Variants in CSMD3 observed in about 807,000 individuals in gnomAD.
CSMD3 encodes the protein CUB and sushi domain-containing protein 3.
CSMD3 carries 177 observed loss-of-function variants against 435.2 expected under a neutral mutation model. The ratio of observed to expected loss-of-function variants is 0.41; its 90% CI spans 0.36 to 0.46. The LOEUF is 0.46. Ranked by LOEUF, CSMD3 falls within the 20% of genes least tolerant of loss-of-function variation. The pLI is 0.34. For synonymous variants in CSMD3, 1,656 were observed against 1,520.5 expected (o/e 1.09, Z -2.07); for missense variants, 4,265 against 4,504.6 (o/e 0.95, Z 1.52).
chr8:112,270,201 A>G (rs1385055446), intron 59 of CSMD3, among the ~76,000 whole-genome samples: 4 of 152,198 alleles, frequency 2.6e-5, no homozygotes, highest in Admixed American at 2.6e-4. Flanking sequence ...GGCCAAGCAT[A>G]GGGGATTGGA....
chr8:112,327,840 G>C (rs1025044517), intron 45 of CSMD3, among the ~76,000 whole-genome samples: 25 of 152,056 alleles, frequency 1.6e-4, no homozygotes, highest in African/African-American at 6.0e-4. Context: ...TTTGAAATTG[G>C]TTTAAGATTT....
intron 40 of CSMD3, among the ~76,000 whole-genome samples, chr8:112,349,859 T>C (rs1464903355): frequency 6.6e-6 from 1 of 152,190 alleles, no homozygotes; most frequent in African/African-American, 2.4e-5. Flanking sequence ...TACGCAGATG[T>C]TGTGGACTTA....
chr8:113,085,250 C>G (rs1604847), intron 5 of CSMD3, among the ~76,000 whole-genome samples: 1 of 123,696 alleles, frequency 8.1e-6, no homozygotes, highest in Admixed American at 7.5e-5. Context: ...CAAAAAAAAA[C>G]CACCCACAAA....
chr8:112,411,742 G>A (rs1057013759), intron 32 of CSMD3, among the ~76,000 whole-genome samples: 1 of 152,022 alleles, frequency 6.6e-6, no homozygotes, highest in African/African-American at 2.4e-5. Flanking sequence ...CATTCTGTCT[G>A]TAAATGTCTT....
intron 11 of CSMD3, among the ~76,000 whole-genome samples, chr8:112,831,717 C>A (rs2079881415): frequency 6.6e-6 from 1 of 151,904 alleles, no homozygotes; most frequent in African/African-American, 2.4e-5. Context: ...TGCAAGAATT[C>A]TTTATATTGG....
intron 1 of CSMD3, among the ~76,000 whole-genome samples, chr8:113,356,157 C>G (rs1350163205): frequency 6.6e-6 from 1 of 151,978 alleles, no homozygotes; most frequent in Non-Finnish European, 1.5e-5. Context: ...AACTATAGAA[C>G]TATTCATGTA....
chr8:112,704,027 G>A (rs913690542), intron 13 of CSMD3, among the ~76,000 whole-genome samples: 1 of 151,930 alleles, frequency 6.6e-6, no homozygotes, highest in Non-Finnish European at 1.5e-5. Flanking sequence ...GTATGCCCTG[G>A]GACACGGGTT....
intron 38 of CSMD3, among the ~76,000 whole-genome samples, chr8:112,358,223 C>T (rs10447984): frequency 0.39 from 59,477 of 151,968 alleles, 13,249 homozygotes; most frequent in Middle Eastern, 0.53. Flanking sequence ...TTTTGAATGG[C>T]TGTATTTACC....
At chr8:113,391,102 C>T (rs1232187619) in intron 1 of CSMD3, among the ~76,000 whole-genome samples, 2 of 151,872 alleles carry the variant, frequency 1.3e-5, no homozygotes, top group East Asian at 3.9e-4. Context: ...CAAACTCTCG[C>T]ATATCCCATT....
At chr8:113,436,244 G>C (rs1359860038) in intron 1 of CSMD3, among the ~76,000 whole-genome samples, 5 of 152,132 alleles carry the variant, frequency 3.3e-5, no homozygotes, top group Non-Finnish European at 7.3e-5. Context: ...CTAGCACGTC[G>C]ATAACTTTCT....
intron 1 of CSMD3, among the ~76,000 whole-genome samples, chr8:113,434,605 T>C (rs114049420): frequency 2.2e-3 from 341 of 152,274 alleles, no homozygotes; most frequent in African/African-American, 7.9e-3. Context: ...ACAATAACTT[T>C]ATTGACATTG....
At chr8:113,358,336 T>C (rs2094247232) in intron 1 of CSMD3, among the ~76,000 whole-genome samples, 1 of 152,164 alleles carries the variant, frequency 6.6e-6, no homozygotes, top group Non-Finnish European at 1.5e-5. Context: ...ACTGCACACA[T>C]AGTAGTGTTT....
At chr8:112,274,957 C>A (rs73709209) in intron 59 of CSMD3, among the ~76,000 whole-genome samples, 5,290 of 152,092 alleles carry the variant, frequency 0.035, 313 homozygotes, top group African/African-American at 0.12. Context: ...GTAACATTGA[C>A]TAAGTAAAAT....
At chr8:112,699,034 T>C (rs1245064379) in intron 13 of CSMD3, among the ~76,000 whole-genome samples, 2 of 152,104 alleles carry the variant, frequency 1.3e-5, no homozygotes, top group Admixed American at 6.6e-5. Context: ...ATCAGCACTC[T>C]GTAAAATGGA....
chr8:112,761,241 T>C (rs772206320), intron 13 of CSMD3, among the ~76,000 whole-genome samples: 1 of 152,084 alleles, frequency 6.6e-6, no homozygotes, highest in Admixed American at 6.6e-5. Context: ...AATATCTCTA[T>C]CATTTAAAAA....
In CSMD3 at chr8:112,937,167, T is replaced by C. The variant is rs191927881; in HGVS notation, c.1508+10623A>G. On this transcript the variant is annotated intron_variant, in intron 9 of 70. Coordinates refer to ENST00000297405, the MANE Select transcript of CSMD3 (RefSeq NM_198123.2). ...AAATGTCCTATCAGTTTGGATAACA[T>C]AGCTGGAGGAGATTTCAAAAATCTA... Among the ~76,000 whole-genome samples the C allele has an allele frequency of 3.3e-5, 5 of 152,252 alleles. No homozygotes were observed. The East Asian group carries it at 5.8e-4, about 18-fold the overall frequency.
chr8:113,316,603 G>A (rs1159271813), intron 1 of CSMD3, among the ~76,000 whole-genome samples: 1 of 150,288 alleles, frequency 6.7e-6, no homozygotes, highest in African/African-American at 2.5e-5. Context: ...AGGCTATAGT[G>A]TAGTGGCGTG....
chr8:112,760,140 T>G (rs2077802279), intron 13 of CSMD3, among the ~76,000 whole-genome samples: 1 of 152,172 alleles, frequency 6.6e-6, no homozygotes, highest in African/African-American at 2.4e-5. Context: ...TGCTAAAAAT[T>G]TTCAGAATCA....
chr8:112,515,174 T>A (rs1823543864), intron 28 of CSMD3, among the ~76,000 whole-genome samples: 2 of 152,100 alleles, frequency 1.3e-5, no homozygotes, highest in Admixed American at 1.3e-4. Flanking sequence ...ATCTAGAATT[T>A]TTGTATAAGC....
Sources: allele counts gnomAD v4.1 joint callset (sites outside exome capture counted in the v4.1 genomes callset), GRCh38; gene constraint gnomAD v4.1.1; transcripts MANE v1.5; gene names NCBI Gene and HGNC (gene_info 2026-07-23, HGNC 2026-07-21).